The following TRIM71 variants were observed in gnomAD, a reference collection of about 807,000 sequenced individuals.
The protein encoded by TRIM71 is E3 ubiquitin-protein ligase TRIM71.
TRIM71 carries 9 observed loss-of-function variants against 61.2 expected under a neutral mutation model. The ratio of observed to expected loss-of-function variants is 0.15; its 90% CI spans 0.09 to 0.26. TRIM71 has a LOEUF of 0.26. Ranked by LOEUF, TRIM71 falls within the 10% of genes least tolerant of loss-of-function variation. The pLI is 1.00. For synonymous variants in TRIM71, 645 were observed against 553.2 expected (o/e 1.17, Z -2.33); for missense variants, 998 against 1,238.7 (o/e 0.81, Z 2.92).
chr3:32,863,926 C>A (rs531316485), intron 1 of TRIM71, among the ~76,000 whole-genome samples: 1 of 152,294 alleles, frequency 6.6e-6, no homozygotes, highest in African/African-American at 2.4e-5. Context: ...AAATGGTCCA[C>A]CCGCCTCGGC....
At position 32,877,404 on chromosome 3, in the gene TRIM71, A is replaced by T. The variant is rs541733447; in HGVS notation, c.1020+3419A>T. ...CAGGTGTGAGCCACCGCGCCTGGCC[A>T]TTTTTTTTTTTAAGAGACAGGATCT... On this transcript the variant is annotated intron_variant, in intron 2 of 3. Coordinates refer to ENST00000383763, the MANE Select transcript of TRIM71 (RefSeq NM_001039111.3). Among the ~76,000 whole-genome samples, 518 of 145,460 alleles carry T rather than the reference A, an allele frequency of 3.6e-3. 1 individual carries two copies. The highest frequency in any genetic ancestry group is 0.013 in the African/African-American group (507 of 40,292).
chr3:32,888,744 T>TACA (rs1398040575), intron 3 of TRIM71, among the ~76,000 whole-genome samples: 2 of 152,178 alleles, frequency 1.3e-5, no homozygotes, highest in Middle Eastern at 3.2e-3. Flanking sequence ...CTCACTATGT[T>TACA]GGCCAGACTG....
rs1178418099 is a variant in TRIM71 at position 32,818,623 on chromosome 3, C to G, written c.543C>G (p.Pro181=). 24 of 1,436,648 alleles carry G rather than the reference C, an allele frequency of 1.7e-5. No individual in the cohort carries two copies. Among genetic ancestry groups the G allele is most frequent in the Non-Finnish European group, 2.1e-5 (23 of 1,103,860 alleles). 89.0% of individuals were successfully genotyped at this position (1,436,648 alleles called of 1,614,324 possible). Residue 181 remains proline, a synonymous_variant, in exon 1 of 4, where the codon CCC becomes CCG. Transcript: ENST00000383763. ...PQPPAPSRSA[P]GGPAASPSAL... ...CGCCCGCGCCTTCCCGCTCGGCACC[C>G]GGCGGCCCTGCCGCTTCCCCGTCGG...
Position 32,821,480 on chromosome 3 carries a change from G to T in TRIM71, c.852+2548G>T, listed in dbSNP as rs74821845. ...TTCCTTAAGCATCCCCTTGTAAAAT[G>T]CCTTCTTAGGATTGGCAAGTAAGGT... On this transcript the variant is annotated intron_variant, in intron 1 of 3. Transcript: ENST00000383763. Among the ~76,000 whole-genome samples the T allele has an allele frequency of 7.2e-3, 1,096 of 152,110 alleles. 21 individuals are homozygous for T. The highest frequency in any genetic ancestry group is 0.025 in the African/African-American group (1,034 of 41,470).
At chr3:32,825,490 T>C (rs1696190174) in intron 1 of TRIM71, among the ~76,000 whole-genome samples, 1 of 152,202 alleles carries the variant, frequency 6.6e-6, no homozygotes, top group South Asian at 2.1e-4. Context: ...GCAAGGTTTA[T>C]TTTGTCTGTG....
intron 1 of TRIM71, among the ~76,000 whole-genome samples, chr3:32,872,411 A>T (rs914697407): frequency 2.0e-5 from 3 of 152,046 alleles, no homozygotes; most frequent in African/African-American, 7.3e-5. Flanking sequence ...TTATGTGAAG[A>T]TTTTGGTTGT....
In TRIM71 at chr3:32,818,179, G is replaced by C. The variant is rs994302824; in HGVS notation, c.99G>C (p.Ser33=). The C allele has an allele frequency of 2.7e-5, 43 of 1,599,398 alleles. No homozygotes were observed. The Admixed American group carries it at 7.3e-4, about 27-fold the overall frequency. The change falls in exon 1 of 4, where the codon TCG becomes TCC. Residue 33 remains serine, a synonymous_variant. Coordinates refer to ENST00000383763, the MANE Select transcript of TRIM71 (RefSeq NM_001039111.3). Reference sequence around the variant, plus strand: ...TCTCCTCCAACTCGTCCGCGTCGTCGTCCTCCTCGCAGACGTCCACGTCGT... The same window carrying C: ...TCTCCTCCAACTCGTCCGCGTCGTCCTCCTCCTCGCAGACGTCCACGTCGT... ...APLSSNSSAS[S]SSSQTSTSSG... is the part of the protein sequence containing the mutation.
Position 32,890,773 on chromosome 3 carries a change from G to A in TRIM71, c.1569G>A (p.Leu523=), listed in dbSNP as rs1697016094. 6.2e-7 allele frequency: 1 copy of A among 1,614,186 alleles called. No homozygotes were observed. The highest frequency in any genetic ancestry group is 8.5e-7 in the Non-Finnish European group (1 of 1,180,024). ...DGEPRLSGGD[L]MSAVVLGPDG... ...AGCCCCGCCTCTCAGGAGGCGACCT[G>A]ATGTCGGCTGTGGTCCTGGGCCCTG... The change falls in exon 4 of 4, where the codon CTG becomes CTA. Residue 523 remains leucine (L), a synonymous_variant. Coordinates refer to ENST00000383763, the MANE Select transcript of TRIM71 (RefSeq NM_001039111.3). This position sits in a 1 kb window ranked among gnomAD's most constrained non-coding sequence, Gnocchi z 6.2.
intron 1 of TRIM71, among the ~76,000 whole-genome samples, chr3:32,820,258 A>AGT (rs1696112959): frequency 6.6e-6 from 1 of 152,170 alleles, no homozygotes; most frequent in Admixed American, 6.6e-5. Context: ...TTCCACTCCT[A>AGT]ACCTGTTATT....
intron 1 of TRIM71, among the ~76,000 whole-genome samples, chr3:32,868,347 A>G (rs1696760891): frequency 1.3e-5 from 2 of 152,224 alleles, no homozygotes; most frequent in South Asian, 4.1e-4. Context: ...CCATTATATC[A>G]AGTGATGTAA....
Position 32,837,936 on chromosome 3 carries a change from A to G in TRIM71, c.852+19004A>G, listed in dbSNP as rs1053287937. 1.3e-5 allele frequency among the ~76,000 whole-genome samples: 2 copies of G among 152,222 alleles called. 1 individual carries two copies. The highest frequency in any genetic ancestry group is 2.9e-5 in the Non-Finnish European group (2 of 68,040). ...GCCACAATGCAAATGGCCAGGGCAC[A>G]TTGTTTTCCTCTGAGCAGATGCCTG... On this transcript the variant is annotated intron_variant, in intron 1 of 3. Transcript: ENST00000383763.
intron 1 of TRIM71, among the ~76,000 whole-genome samples, chr3:32,867,558 T>A (rs1458786371): frequency 1.3e-5 from 2 of 152,144 alleles, no homozygotes; most frequent in Non-Finnish European, 2.9e-5. Context: ...GCTCAAGTGA[T>A]CCTTTTGTCT....
At chr3:32,846,612 A>G (rs1057301219) in intron 1 of TRIM71, among the ~76,000 whole-genome samples, 1 of 152,124 alleles carries the variant, frequency 6.6e-6, no homozygotes, top group Non-Finnish European at 1.5e-5. Context: ...TGTCTAACTG[A>G]AACTTTTAAC....
chr3:32,866,166 T>G (rs1696734761), intron 1 of TRIM71, among the ~76,000 whole-genome samples: 1 of 151,960 alleles, frequency 6.6e-6, no homozygotes, highest in Non-Finnish European at 1.5e-5. Flanking sequence ...GATTTTTGTT[T>G]TTTTTTTGGA....
chr3:32,879,413 C>T (rs1696884292), intron 2 of TRIM71, among the ~76,000 whole-genome samples: 1 of 152,114 alleles, frequency 6.6e-6, no homozygotes, highest in African/African-American at 2.4e-5. Flanking sequence ...TACTTGCTTT[C>T]TTTACTAAGC....
intron 1 of TRIM71, among the ~76,000 whole-genome samples, chr3:32,871,512 T>C (rs1348666084): frequency 6.6e-6 from 1 of 152,218 alleles, no homozygotes; most frequent in Admixed American, 6.5e-5. Flanking sequence ...GAGTGATCCC[T>C]TCATTCCCAT....
chr3:32,893,197 C>G lies in TRIM71; in HGVS notation c.*1386C>G. 2.0e-5 allele frequency: 3 copies of G among 150,606 alleles called. No individual in the cohort carries two copies. Among genetic ancestry groups the G allele is most frequent in the Non-Finnish European group, 4.4e-5 (3 of 67,824 alleles). 9.3% of individuals were successfully genotyped at this position (150,606 alleles called of 1,614,324 possible). A position where few individuals can be genotyped will look rare whatever the true frequency, so the allele number is the denominator to read the frequency against. On this transcript the variant is annotated 3_prime_UTR_variant, in exon 4 of 4. Coordinates refer to ENST00000383763, the MANE Select transcript of TRIM71 (RefSeq NM_001039111.3). ...GTTAACATGAATCCCCCCGCCCCCTCTCCCCCCAAGGCCTTTGACCATAAA... is the reference window on the plus strand; with the variant it reads ...GTTAACATGAATCCCCCCGCCCCCTGTCCCCCCAAGGCCTTTGACCATAAA...
At chr3:32,821,736 C>T (rs1163435723) in intron 1 of TRIM71, among the ~76,000 whole-genome samples, 2 of 151,896 alleles carry the variant, frequency 1.3e-5, no homozygotes, top group East Asian at 3.9e-4. Context: ...TCCGAGGTCG[C>T]CGTCCCCGGA....
At chr3:32,827,268 C>CTTTTTTTTTTTTTT (rs369755706) in intron 1 of TRIM71, among the ~76,000 whole-genome samples, 1,965 of 129,006 alleles carry the variant, frequency 0.015, 86 homozygotes, top group Non-Finnish European at 0.022. Flanking sequence ...GGGGATAATT[C>CTTTTTTTTTTTTTT]TTTTTTTTTT....
Sources: gnomAD v4.1 joint callset for allele counts (sites outside exome capture counted in the v4.1 genomes callset) on GRCh38, gnomAD v4.1.1 for gene constraint, Gnocchi (gnomAD v3.1) non-coding constraint, MANE v1.5 for transcripts, NCBI Gene and HGNC (gene_info 2026-07-23, HGNC 2026-07-21) for gene names.